SCARA3: variants seen among roughly 807,000 people sequenced by gnomAD.
SCARA3 encodes the protein scavenger receptor class A member 3.
In SCARA3, 39 loss-of-function variants were observed where a neutral mutation model predicts 47.0. The ratio of observed to expected loss-of-function variants is 0.83; its 90% CI spans 0.64 to 1.08. The LOEUF is 1.08. SCARA3 is among the 50% of genes least tolerant of loss of function. The pLI is 0.00. For missense variants in SCARA3, 724 were observed against 792.3 expected (o/e 0.91, Z 1.04); for synonymous variants, 356 against 334.1 (o/e 1.07, Z -0.71).
At chr8:27,700,357 A>G in the SCARA3 span, among the ~76,000 whole-genome samples, 1 of 152,236 alleles carries the variant, frequency 6.6e-6, no homozygotes, top group African/African-American at 2.4e-5. Flanking sequence ...TGAAAGTCCC[A>G]GCACTTTGGG....
chr8:27,689,719 C>T, the SCARA3 span, among the ~76,000 whole-genome samples: 1 of 152,136 alleles, frequency 6.6e-6, no homozygotes. Context: ...ATGGGAGGCC[C>T]GGTGCTCTCT....
chr8:27,634,588 C>T (rs1197874227), intron 1 of SCARA3, among the ~76,000 whole-genome samples: 1 of 152,198 alleles, frequency 6.6e-6, no homozygotes, highest in African/African-American at 2.4e-5. Flanking sequence ...AGAGAGGCCC[C>T]TGCATCCCCC....
chr8:27,711,384 T>A, the SCARA3 span, among the ~76,000 whole-genome samples: 1 of 152,230 alleles, frequency 6.6e-6, no homozygotes, highest in Admixed American at 6.5e-5. Context: ...CTTATTTTTC[T>A]TATTGTACTC....
At chr8:27,687,745 G>A in the SCARA3 span, among the ~76,000 whole-genome samples, 10 of 152,086 alleles carry the variant, frequency 6.6e-5, no homozygotes, top group Admixed American at 1.3e-4. Flanking sequence ...GGCCAGGCAC[G>A]GTGGCCAATG....
At chr8:27,678,501 T>C (rs1802311330), downstream of SCARA3, among the ~76,000 whole-genome samples, 1 of 152,212 alleles carries the variant, frequency 6.6e-6, no homozygotes, top group Non-Finnish European at 1.5e-5. Flanking sequence ...ATAGCTCCAT[T>C]GCTATTAATA....
At chr8:27,690,975 G>A in the SCARA3 span, among the ~76,000 whole-genome samples, 1 of 152,030 alleles carries the variant, frequency 6.6e-6, no homozygotes, top group Non-Finnish European at 1.5e-5. Context: ...AAGCCACCAC[G>A]CCAGGCCATA....
chr8:27,701,587 CTCTTTCTT>C, the SCARA3 span: 3 of 151,026 alleles, frequency 2.0e-5, no homozygotes. Context: ...TTCTCTTTCT[CTCTTTCTT>C]TCTTTTCTTT....
the SCARA3 span, among the ~76,000 whole-genome samples, chr8:27,727,486 A>AT: frequency 6.6e-6 from 1 of 152,246 alleles, no homozygotes; most frequent in Non-Finnish European, 1.5e-5. Context: ...TCCACACTGG[A>AT]TAATACTCTG....
At chr8:27,658,034 G>T (rs146110580) in intron 4 of SCARA3, among the ~76,000 whole-genome samples, 1 of 152,274 alleles carries the variant, frequency 6.6e-6, no homozygotes, top group East Asian at 1.9e-4. Context: ...CTTATCTGAC[G>T]CAAATAGAAG....
chr8:27,641,615 C>T (rs1801383736), intron 1 of SCARA3, among the ~76,000 whole-genome samples: 1 of 152,154 alleles, frequency 6.6e-6, no homozygotes, highest in African/African-American at 2.4e-5. Context: ...CAGAACTCAA[C>T]CCTTGGGGAC....
chr8:27,650,798 T>G (rs1801614725), intron 2 of SCARA3, among the ~76,000 whole-genome samples: 1 of 152,194 alleles, frequency 6.6e-6, no homozygotes, highest in Admixed American at 6.5e-5. Flanking sequence ...CAGGAGAACT[T>G]CTGGTTCCCT....
chr8:27,693,154 A>G, the SCARA3 span, among the ~76,000 whole-genome samples: 1 of 151,646 alleles, frequency 6.6e-6, no homozygotes, highest in East Asian at 1.9e-4. Context: ...AAAAGAAAAG[A>G]AAATCTTTAT....
chr8:27,695,748 G>A, the SCARA3 span, among the ~76,000 whole-genome samples: 3 of 151,994 alleles, frequency 2.0e-5, 1 homozygote, highest in African/African-American at 4.8e-5. Context: ...AAATTAAAAC[G>A]TTTATTGAAT....
At chr8:27,674,683 C>G (rs1318296810), downstream of SCARA3, among the ~76,000 whole-genome samples, 1 of 150,490 alleles carries the variant, frequency 6.6e-6, no homozygotes, top group East Asian at 1.9e-4. Context: ...ACCAGACTTG[C>G]AAAGCCCTGA....
the SCARA3 span, among the ~76,000 whole-genome samples, chr8:27,731,669 GT>G: frequency 7.0e-6 from 1 of 142,866 alleles, no homozygotes; most frequent in East Asian, 2.0e-4. Context: ...AAAAAATGCT[GT>G]TTGGTAACCA....
chr8:27,716,324 T>C, the SCARA3 span, among the ~76,000 whole-genome samples: 1 of 145,170 alleles, frequency 6.9e-6, no homozygotes, highest in Non-Finnish European at 1.5e-5. Context: ...AATATCTCTT[T>C]ATATATATAT....
intron 1 of SCARA3, among the ~76,000 whole-genome samples, chr8:27,648,139 T>G (rs1801547846): frequency 6.6e-6 from 1 of 152,236 alleles, no homozygotes; most frequent in Non-Finnish European, 1.5e-5. Flanking sequence ...GTAGAAAAGA[T>G]TTCTGAGTTC....
chr8:27,657,390 G>A (rs1332281685), intron 4 of SCARA3, among the ~76,000 whole-genome samples: 1 of 149,796 alleles, frequency 6.7e-6, no homozygotes, highest in Non-Finnish European at 1.5e-5. Context: ...GTGACACTGA[G>A]GTTTGGGGGG....
the SCARA3 span, among the ~76,000 whole-genome samples, chr8:27,725,292 T>C: frequency 1.3e-5 from 2 of 151,996 alleles, no homozygotes; most frequent in Non-Finnish European, 2.9e-5. Flanking sequence ...GGCATGTGAT[T>C]AGGAAAGGGT....
Sources: allele counts gnomAD v4.1 joint callset (sites outside exome capture counted in the v4.1 genomes callset), GRCh38; gene constraint gnomAD v4.1.1; transcripts MANE v1.5; gene names NCBI Gene and HGNC (gene_info 2026-07-23, HGNC 2026-07-21).